Variants in SMIM35 observed in about 807,000 individuals in gnomAD.
SMIM35 encodes the protein TMPRSS4 antisense RNA 1 (non-protein coding).
intron 1 of SMIM35, among the ~76,000 whole-genome samples, chr11:118,057,817 C>T (rs1322653275): frequency 2.0e-5 from 3 of 152,168 alleles, no homozygotes; most frequent in Non-Finnish European, 4.4e-5. Context: ...AGACAGCAGG[C>T]GGAATGCAGG....
rs1184834808 is a variant in SMIM35, at chr11:118,024,079, C to T, written c.8-8270G>A. The stretch of plus-strand genomic sequence containing the variant: ...TGAGGTGCAGGACAACTTCAAGCCA[C>T]CTAATATATGTGTAATTAGATTCCC... On this transcript the variant is annotated intron_variant, in intron 1 of 4. Transcript: ENST00000689828. Among the ~76,000 whole-genome samples the T allele has an allele frequency of 4.6e-5, 7 of 151,556 alleles. No homozygotes were observed. The East Asian group carries it at 1.4e-3, about 29-fold the overall frequency.
chr11:118,068,259 C>G (rs1001612979), intron 1 of SMIM35, among the ~76,000 whole-genome samples: 1 of 152,072 alleles, frequency 6.6e-6, no homozygotes, highest in African/African-American at 2.4e-5. Flanking sequence ...TCCCATTGCA[C>G]CCCTGGTTTT....
intron 1 of SMIM35, among the ~76,000 whole-genome samples, chr11:118,071,703 G>C (rs1233910076): frequency 6.6e-6 from 1 of 152,124 alleles, no homozygotes; most frequent in East Asian, 1.9e-4. Flanking sequence ...GAACCTCAGG[G>C]GTTCATCTAT....
chr11:118,034,250 C>A (rs1197942485), intron 1 of SMIM35, among the ~76,000 whole-genome samples: 2 of 152,018 alleles, frequency 1.3e-5, no homozygotes, highest in East Asian at 3.9e-4. Context: ...GCACTCCAGG[C>A]TGGGCAATAA....
intron 4 of SMIM35, among the ~76,000 whole-genome samples, chr11:118,008,790 G>A (rs2058135933): frequency 6.6e-6 from 1 of 152,220 alleles, no homozygotes; most frequent in Admixed American, 6.5e-5. Flanking sequence ...AAAGTACCGT[G>A]GAGAACTCAG....
rs776593183 is a variant in SMIM35, at chr11:118,070,017, T to C, written c.7+16734A>G. ...CGGAGGTTGCAGTGAGTCGAGATCA[T>C]GCCATTCACCAAGGCAATACAGCTG... is the stretch of plus-strand genomic sequence containing the variant. On this transcript the variant is annotated intron_variant, in intron 1 of 4. Transcript: ENST00000689828. 2.6e-4 allele frequency among the ~76,000 whole-genome samples: 40 copies of C among 152,212 alleles called. No homozygotes were observed. In the Middle Eastern group the frequency reaches 0.014, roughly 52 times the overall value.
chr11:118,013,897 A>T lies in SMIM35; in HGVS notation c.159-17T>A. 5.0e-6 allele frequency: 2 copies of T among 399,072 alleles called. No homozygotes were observed. Among genetic ancestry groups the T allele is most frequent in the East Asian group, 7.1e-5 (2 of 28,082 alleles). 24.7% of individuals were successfully genotyped at this position (399,072 alleles called of 1,614,324 possible). On this transcript the variant is annotated splice_polypyrimidine_tract_variant and intron_variant, in intron 3 of 4. Coordinates refer to ENST00000689828, the MANE Select transcript of SMIM35 (RefSeq NM_001394165.1). ...TTCAGGTTCCTGAAAAAGATGATCC[A>T]ATCAGGCTACTGGAGCTGATAACCT...
At chr11:118,036,101 G>T (rs2135068137) in intron 1 of SMIM35, among the ~76,000 whole-genome samples, 1 of 152,210 alleles carries the variant, frequency 6.6e-6, no homozygotes, top group South Asian at 2.1e-4. Flanking sequence ...TGGCCTGGCT[G>T]GTCTCAAACT....
chr11:118,009,903 T>C (rs775450635), intron 4 of SMIM35, among the ~76,000 whole-genome samples: 4 of 152,126 alleles, frequency 2.6e-5, no homozygotes, highest in Non-Finnish European at 5.9e-5. Context: ...AACCAGACCT[T>C]ATACTACATT....
At chr11:118,010,595 C>T (rs192351553) in intron 4 of SMIM35, among the ~76,000 whole-genome samples, 218 of 152,326 alleles carry the variant, frequency 1.4e-3, no homozygotes, top group African/African-American at 5.0e-3. Flanking sequence ...AATGTGGCCA[C>T]CTGCAATTCA....
intron 1 of SMIM35, among the ~76,000 whole-genome samples, chr11:118,018,264 T>C (rs537252278): frequency 1.3e-5 from 2 of 151,650 alleles, no homozygotes; most frequent in Admixed American, 6.6e-5. Flanking sequence ...AGATGGGGAG[T>C]CACTTGAGGA....
chr11:118,007,857 T>C (rs2058129764), intron 4 of SMIM35, among the ~76,000 whole-genome samples: 1 of 151,882 alleles, frequency 6.6e-6, no homozygotes, highest in African/African-American at 2.4e-5. Flanking sequence ...TTGATTTGTT[T>C]TTCAACTTCT....
intron 1 of SMIM35, among the ~76,000 whole-genome samples, chr11:118,074,653 G>A (rs187885366): frequency 1.7e-4 from 26 of 152,040 alleles, no homozygotes; most frequent in South Asian, 1.7e-3. Flanking sequence ...GGACTGAGGC[G>A]GGGGAATCCC....
intron 1 of SMIM35, among the ~76,000 whole-genome samples, chr11:118,048,412 C>T (rs1455069993): frequency 6.6e-6 from 1 of 152,048 alleles, no homozygotes; most frequent in Non-Finnish European, 1.5e-5. Flanking sequence ...ACTCAGGAGG[C>T]TGAGACACGA....
intron 1 of SMIM35, chr11:118,029,026 T>C (rs1379519074): frequency 5.8e-6 from 2 of 343,828 alleles, no homozygotes; most frequent in Non-Finnish European, 1.1e-5. Flanking sequence ...TACAGGAGAA[T>C]AGTCTGTCAT....
At chr11:118,079,377 C>T (rs1199050442) in intron 1 of SMIM35, among the ~76,000 whole-genome samples, 8 of 152,024 alleles carry the variant, frequency 5.3e-5, no homozygotes, top group Admixed American at 6.6e-5. Flanking sequence ...TGAGCTGCTG[C>T]GTCTTAATGA....
chr11:118,024,129 GA>G (rs78230296), intron 1 of SMIM35, among the ~76,000 whole-genome samples: 14,605 of 151,590 alleles, frequency 0.096, 985 homozygotes, highest in East Asian at 0.37. Context: ...AGGGAAAACA[GA>G]AAAAAAAATT....
chr11:118,025,080 TG>T (rs1296646391), intron 1 of SMIM35, among the ~76,000 whole-genome samples: 2 of 152,220 alleles, frequency 1.3e-5, no homozygotes, highest in Non-Finnish European at 2.9e-5. Flanking sequence ...TCATCAATTT[TG>T]CTGCAAAGGA....
Position 118,042,846 on chromosome 11 carries a change from A to G in SMIM35, c.8-27037T>C, listed in dbSNP as rs149559492. Reference sequence around the variant, plus strand: ...TCTCCCTCGAGAGCAAGATTAGTTCAGCATCTGAAAATCAATTCTTGTAAC... The same window carrying G: ...TCTCCCTCGAGAGCAAGATTAGTTCGGCATCTGAAAATCAATTCTTGTAAC... On this transcript the variant is annotated intron_variant, in intron 1 of 4. Transcript: ENST00000689828. Among the ~76,000 whole-genome samples the G allele has an allele frequency of 3.6e-3, 555 of 152,386 alleles. 4 individuals carry two copies. Among genetic ancestry groups the G allele is most frequent in the African/African-American group, 0.013 (530 of 41,598 alleles).
Sources: gnomAD v4.1 joint callset for allele counts (sites outside exome capture counted in the v4.1 genomes callset) on GRCh38, gnomAD v4.1.1 for gene constraint, MANE v1.5 for transcripts, NCBI Gene and HGNC (gene_info 2026-07-23, HGNC 2026-07-21) for gene names.